The following MTMR14 variants were observed in gnomAD, a reference collection of about 807,000 sequenced individuals.
The protein encoded by MTMR14 is myotubularin related protein 14.
Under a neutral mutation model 86.3 loss-of-function variants are expected in MTMR14, and 48 were observed. That is an observed-to-expected ratio of 0.56 (90% CI 0.44 to 0.71). The LOEUF (loss-of-function observed/expected upper bound fraction) is 0.71. MTMR14 is among the 30% of genes least tolerant of loss of function. The pLI, the probability that MTMR14 is intolerant of heterozygous loss-of-function variation, is 0.00. For missense variants in MTMR14, 780 were observed against 834.6 expected (o/e 0.93, Z 0.81); for synonymous variants, 366 against 326.1 (o/e 1.12, Z -1.32).
At chr3:9,697,566 A>C (rs1449017437) in intron 17 of MTMR14, 145 bp from the exon 18 acceptor site, 1 of 938,968 alleles carries the variant, frequency 1.1e-6, no homozygotes, top group Non-Finnish European at 1.6e-6. Flanking sequence ...CTACTTGTCC[A>C]GCTTTTTTTT....
At chr3:9,659,682 G>C in intron 2 of MTMR14, 1 of 454,982 alleles carries the variant, frequency 2.2e-6, no homozygotes, top group South Asian at 1.6e-5. Flanking sequence ...GACCTCAGGT[G>C]ATCTGCCGCC....
intron 14 of MTMR14, among the ~76,000 whole-genome samples, chr3:9,688,204 G>T (rs2076024198): frequency 6.6e-6 from 1 of 152,308 alleles, no homozygotes; most frequent in East Asian, 1.9e-4. Flanking sequence ...CAGCCCAGGA[G>T]TAGGAGGACT....
At chr3:9,658,377 T>C (rs1197335602) in intron 2 of MTMR14, among the ~76,000 whole-genome samples, 2 of 152,240 alleles carry the variant, frequency 1.3e-5, no homozygotes, top group Admixed American at 1.3e-4. Context: ...CAGGGATCTC[T>C]GAATAGCTAA....
chr3:9,701,278 G>T lies in MTMR14; in HGVS notation c.1770-512G>T. The T allele has an allele frequency of 5.4e-6, 1 of 183,696 alleles. No individual in the cohort carries two copies. Among genetic ancestry groups the T allele is most frequent in the Non-Finnish European group, 1.2e-5 (1 of 86,446 alleles). 11.4% of individuals were successfully genotyped at this position (183,696 alleles called of 1,614,324 possible). A position where few individuals can be genotyped will look rare whatever the true frequency, so the allele number is the denominator to read the frequency against. On this transcript the variant is annotated intron_variant, in intron 18 of 18. Coordinates refer to ENST00000296003, the MANE Select transcript of MTMR14 (RefSeq NM_001077525.3). The surrounding 1 kb of genome is among the most constrained non-coding windows in gnomAD (Gnocchi z 4.2). Reference sequence around the variant, plus strand: ...AGATAGTTATTTTCACAACAGGTCAGGTCAGGCCAGGCACAGTTGCTCACG... The same window carrying T: ...AGATAGTTATTTTCACAACAGGTCATGTCAGGCCAGGCACAGTTGCTCACG...
In MTMR14 at chr3:9,701,660, C is replaced by T. The variant is rs991941149; in HGVS notation, c.1770-130C>T. ...GCCTGAACCACAAGGATAGCATGGC[C>T]GTAGGACAGACACTGGCCTTGTACA... On this transcript the variant is annotated intron_variant, in intron 18 of 18. Transcript: ENST00000296003. This position sits in a 1 kb window ranked among gnomAD's most constrained non-coding sequence, Gnocchi z 4.2. The T allele has an allele frequency of 7.0e-5, 76 of 1,090,232 alleles. No individual in the cohort carries two copies. In the African/African-American group the frequency reaches 8.2e-4, roughly 12 times the overall value. The allele number at this position is 1,090,232 out of a possible 1,614,324, so 67.5% of individuals were successfully genotyped here. A position where few individuals can be genotyped will look rare whatever the true frequency, so the allele number is the denominator to read the frequency against.
At chr3:9,655,795 C>T (rs1422135257) in intron 2 of MTMR14, among the ~76,000 whole-genome samples, 17 of 151,824 alleles carry the variant, frequency 1.1e-4, no homozygotes, top group African/African-American at 3.4e-4. Context: ...GCTTGAGAAC[C>T]GCTGCTGCAG....
In MTMR14 at chr3:9,655,486, CAG is replaced by C. The variant is rs2047545123; in HGVS notation, c.308+1720_308+1721del. On this transcript the variant is annotated intron_variant, in intron 2 of 18. Coordinates refer to ENST00000296003, the MANE Select transcript of MTMR14 (RefSeq NM_001077525.3). Reference sequence around the variant, plus strand: ...CTTTTTTTTTTTTTTTTTTTTGAGACAGAGTGCTCTGTCACCCAGGCTGGAGT... The same window carrying C: ...CTTTTTTTTTTTTTTTTTTTTGAGACAGTGCTCTGTCACCCAGGCTGGAGT... Among the ~76,000 whole-genome samples, 3 of 20,766 alleles carry C rather than the reference CAG, an allele frequency of 1.4e-4. 1 individual carries two copies. Among genetic ancestry groups the C allele is most frequent in the African/African-American group, 7.8e-4 (1 of 1,276 alleles). 13.6% of individuals were successfully genotyped at this position (20,766 alleles called of 152,430 possible).
intron 2 of MTMR14, among the ~76,000 whole-genome samples, chr3:9,662,044 C>T (rs769634938): frequency 9.2e-5 from 14 of 151,738 alleles, no homozygotes; most frequent in African/African-American, 3.2e-4. Context: ...GCCAAGATTG[C>T]GCCACTGCAC....
In MTMR14 at chr3:9,649,641, G is replaced by A; in HGVS notation, c.58G>A (p.Gly20Ser). 1 of 1,573,778 alleles carries A rather than the reference G, an allele frequency of 6.4e-7. No individual in the cohort carries two copies. Among genetic ancestry groups the A allele is most frequent in the Non-Finnish European group, 8.6e-7 (1 of 1,160,766 alleles). ...AASAGSSASS[G>S]NQPPQELGLG... ...CTCGGCGGGGTCCTCGGCCTCTTCA[G>A]GCAACCAGCCGCCTCAGGAGCTGGG... Residue 20 changes from glycine to serine, a missense_variant, in exon 1 of 19, where the codon GGC (glycine) becomes AGC (serine). Transcript: ENST00000296003.
At chr3:9,656,306 G>A (rs888988303) in intron 2 of MTMR14, among the ~76,000 whole-genome samples, 2 of 152,142 alleles carry the variant, frequency 1.3e-5, no homozygotes, top group African/African-American at 4.8e-5. Flanking sequence ...TACATCCTCA[G>A]TTATATAACC....
Position 9,678,276 on chromosome 3 carries a change from C to T in MTMR14, c.897+218C>T, listed in dbSNP as rs568135150. On this transcript the variant is annotated intron_variant, in intron 9 of 18. Transcript: ENST00000296003. ...TCCCAGAAAATCAAAGCTTTCTGAA[C>T]GTGACTCATTCAAAGATTTGCATCC... Among the ~76,000 whole-genome samples, 10 of 152,294 alleles carry T rather than the reference C, an allele frequency of 6.6e-5. 1 individual carries two copies. The South Asian group carries it at 2.1e-3, about 32-fold the overall frequency.
chr3:9,688,298 A>G (rs1368630505), intron 14 of MTMR14, among the ~76,000 whole-genome samples: 1 of 152,198 alleles, frequency 6.6e-6, no homozygotes, highest in African/African-American at 2.4e-5. Flanking sequence ...GCCCCCTACA[A>G]AAGGGCAGAA....
intron 7 of MTMR14, among the ~76,000 whole-genome samples, chr3:9,673,660 G>C (rs2048695328): frequency 6.6e-6 from 1 of 152,138 alleles, no homozygotes. Context: ...CTAGTGCCTT[G>C]TGGGAGGGGT....
intron 2 of MTMR14, 133 bp from the exon 3 acceptor site, chr3:9,662,134 T>A (rs749361798): frequency 8.5e-6 from 6 of 708,130 alleles, no homozygotes; most frequent in African/African-American, 1.8e-5. Context: ...GATATAAAAT[T>A]TAGGAATGAC....
rs150033456 is a variant in MTMR14 at position 9,670,582 on chromosome 3, C to T, written c.555-466C>T. ...ATTTCATAATCAGTTGATAAAATAG[C>T]TCTAAAAACTTTATCTGTACAAGTA... On this transcript the variant is annotated intron_variant, in intron 5 of 18. Transcript: ENST00000296003. Among the ~76,000 whole-genome samples the T allele has an allele frequency of 2.7e-3, 410 of 151,950 alleles. 5 individuals are homozygous for T. The highest frequency in any genetic ancestry group is 9.6e-3 in the African/African-American group (398 of 41,422).
At chr3:9,663,171 C>T (rs893266195) in intron 3 of MTMR14, among the ~76,000 whole-genome samples, 12 of 151,996 alleles carry the variant, frequency 7.9e-5, no homozygotes, top group African/African-American at 2.9e-4. Flanking sequence ...AGTGGACTGA[C>T]ATACAGAGAG....
At chr3:9,658,213 C>G (rs1199969474) in intron 2 of MTMR14, among the ~76,000 whole-genome samples, 1 of 152,150 alleles carries the variant, frequency 6.6e-6, no homozygotes, top group Admixed American at 6.5e-5. Flanking sequence ...TTTTTACTGT[C>G]TGGCTTGGCT....
chr3:9,687,559 A>T (rs1426139760), intron 13 of MTMR14, among the ~76,000 whole-genome samples: 3 of 126,980 alleles, frequency 2.4e-5, no homozygotes, highest in African/African-American at 1.1e-4. Context: ...TGTCTCAAAT[A>T]AAAAAAAAAA....
chr3:9,697,733 G>A lies in MTMR14; in HGVS notation c.1636G>A (p.Gly546Arg), dbSNP rs140767421. 25 of 1,613,952 alleles carry A rather than the reference G, an allele frequency of 1.5e-5. No homozygotes were observed. Among genetic ancestry groups the A allele is most frequent in the South Asian group, 7.7e-5 (7 of 91,068 alleles). Residue 546 changes from glycine (G) to arginine (R), a missense_variant, in exon 18 of 19, where the codon GGA (glycine) becomes AGA (arginine). Physicochemically the swap from Gly to Arg is moderately radical, Grantham distance 125. Coordinates refer to ENST00000296003, the MANE Select transcript of MTMR14 (RefSeq NM_001077525.3). ...KPRSVDHPLP[G>R]SSLSTDYGSW... ...CAGATCAGTGGACCATCCCCTGCCC[G>A]GATCCTCTCTCTCCACAGACTATGG...
Sources: allele counts gnomAD v4.1 joint callset (sites outside exome capture counted in the v4.1 genomes callset), GRCh38; gene constraint gnomAD v4.1.1; non-coding constraint Gnocchi (gnomAD v3.1); transcripts MANE v1.5; gene names NCBI Gene and HGNC (gene_info 2026-07-23, HGNC 2026-07-21).